GPC5: variants seen among roughly 807,000 people sequenced by gnomAD.
GPC5 encodes the protein glypican-5.
A neutral mutation model predicts 53.9 loss-of-function variants in GPC5; 47 were observed. The observed-to-expected ratio is 0.87, with a 90% CI of 0.69 to 1.11. The LOEUF (loss-of-function observed/expected upper bound fraction) is 1.11, where lower values mean the gene tolerates loss of function less well. Ranked by LOEUF, GPC5 falls within the 50% of genes most tolerant of loss-of-function variation. The probability of loss-of-function intolerance (pLI) is 0.00; values close to 1 mark genes in which losing one functional copy is unlikely to be tolerated. For synonymous variants in GPC5, 286 were observed against 263.3 expected, an observed-to-expected ratio of 1.09 and a Z score of -0.84; for missense variants, 748 against 713.1, an observed-to-expected ratio of 1.05 and a Z score of -0.56.
chr13:91,700,112 C>A (rs1368480207), intron 3 of GPC5, among the ~76,000 whole-genome samples: 1 of 151,990 alleles, frequency 6.6e-6, no homozygotes, highest in Non-Finnish European at 1.5e-5. Context: ...AGCTCTGAAT[C>A]CTTCTTATTT....
At chr13:91,933,613 G>A (rs372450356) in intron 6 of GPC5, among the ~76,000 whole-genome samples, 1 of 151,888 alleles carries the variant, frequency 6.6e-6, no homozygotes, top group Non-Finnish European at 1.5e-5. Flanking sequence ...ACACGTCCAA[G>A]TTTTCTCAGG....
At chr13:91,444,423 A>G (rs925923028) in intron 1 of GPC5, among the ~76,000 whole-genome samples, 18 of 151,704 alleles carry the variant, frequency 1.2e-4, no homozygotes, top group Non-Finnish European at 4.4e-5. Flanking sequence ...TCTCTTTTTT[A>G]TTATAGTAAC....
intron 7 of GPC5, among the ~76,000 whole-genome samples, chr13:92,860,605 G>A (rs971154050): frequency 6.6e-6 from 1 of 152,110 alleles, no homozygotes. Flanking sequence ...CAAAATACAT[G>A]TGGCTAATGT....
At chr13:92,123,826 C>T (rs1417019398) in intron 6 of GPC5, among the ~76,000 whole-genome samples, 1 of 152,110 alleles carries the variant, frequency 6.6e-6, no homozygotes, top group African/African-American at 2.4e-5. Flanking sequence ...TAATTCAAAG[C>T]ATACATTACC....
At chr13:92,220,980 C>A (rs2042444439) in intron 7 of GPC5, among the ~76,000 whole-genome samples, 1 of 152,040 alleles carries the variant, frequency 6.6e-6, no homozygotes, top group Admixed American at 6.6e-5. Context: ...GAGAGAAAGA[C>A]TCCCATTTCC....
chr13:91,542,019 T>TATTA (rs1555321639), intron 2 of GPC5, among the ~76,000 whole-genome samples: 1 of 147,002 alleles, frequency 6.8e-6, no homozygotes, highest in Admixed American at 6.8e-5. Flanking sequence ...GAGCTCTTAA[T>TATTA]ATTAATTAAT....
intron 7 of GPC5, among the ~76,000 whole-genome samples, chr13:92,680,557 T>A (rs952386660): frequency 3.3e-5 from 5 of 152,130 alleles, no homozygotes; most frequent in Admixed American, 3.3e-4. Context: ...AAGGAAACTA[T>A]AAAAGGTAGA....
At chr13:92,765,104 G>A (rs1875343165) in intron 7 of GPC5, among the ~76,000 whole-genome samples, 1 of 152,146 alleles carries the variant, frequency 6.6e-6, no homozygotes, top group Non-Finnish European at 1.5e-5. Flanking sequence ...TTATGAGAAT[G>A]AGATACGATG....
chr13:91,760,560 C>G (rs1445301161), intron 5 of GPC5, among the ~76,000 whole-genome samples: 3 of 152,114 alleles, frequency 2.0e-5, no homozygotes, highest in Non-Finnish European at 4.4e-5. Flanking sequence ...CCAAACACAT[C>G]AATAGGTCAA....
chr13:91,458,617 A>G (rs1023224587), intron 2 of GPC5, among the ~76,000 whole-genome samples: 1 of 152,172 alleles, frequency 6.6e-6, no homozygotes, highest in Non-Finnish European at 1.5e-5. Flanking sequence ...GTTGGCATGG[A>G]TGCGGTGAAA....
chr13:91,809,887 T>C (rs1347780725), intron 5 of GPC5, among the ~76,000 whole-genome samples: 1 of 152,018 alleles, frequency 6.6e-6, no homozygotes, highest in African/African-American at 2.4e-5. Flanking sequence ...CATTAGGAAA[T>C]AGTTCATTCG....
chr13:91,966,831 A>G (rs2040185323), intron 6 of GPC5, among the ~76,000 whole-genome samples: 1 of 152,262 alleles, frequency 6.6e-6, no homozygotes. Flanking sequence ...GCACCTGTGC[A>G]GAAGTGTACT....
At chr13:92,039,234 GTTA>G (rs1362657788) in intron 6 of GPC5, among the ~76,000 whole-genome samples, 4 of 152,152 alleles carry the variant, frequency 2.6e-5, no homozygotes, top group Admixed American at 2.0e-4. Flanking sequence ...AAGAAAAGTT[GTTA>G]TTATGTTTTC....
chr13:92,700,538 A>T (rs1566371064), intron 7 of GPC5, among the ~76,000 whole-genome samples: 1 of 152,032 alleles, frequency 6.6e-6, no homozygotes, highest in Non-Finnish European at 1.5e-5. Flanking sequence ...TCATAGCATC[A>T]ATGTTCTTTA....
At chr13:91,459,623 G>A (rs1005931854) in intron 2 of GPC5, among the ~76,000 whole-genome samples, 3 of 152,048 alleles carry the variant, frequency 2.0e-5, no homozygotes, top group Non-Finnish European at 2.9e-5. Flanking sequence ...GGTAGAGTTG[G>A]AGTGAGACAA....
At chr13:92,709,669 C>T (rs1287619971) in intron 7 of GPC5, 2 of 152,160 alleles carry the variant, frequency 1.3e-5, no homozygotes, top group Non-Finnish European at 2.9e-5. Context: ...TTTCCTCACA[C>T]TCTACTGGCC....
intron 7 of GPC5, among the ~76,000 whole-genome samples, chr13:92,612,641 T>G (rs1485587417): frequency 6.6e-6 from 1 of 152,138 alleles, no homozygotes; most frequent in African/African-American, 2.4e-5. Flanking sequence ...ACTCTTATGT[T>G]GTTCTCATAG....
At chr13:91,617,692 T>G (rs1288534043) in intron 2 of GPC5, among the ~76,000 whole-genome samples, 1 of 152,038 alleles carries the variant, frequency 6.6e-6, no homozygotes, top group Non-Finnish European at 1.5e-5. Flanking sequence ...ACATTTACTT[T>G]AATTCTCCTT....
intron 7 of GPC5, chr13:92,701,296 C>T (rs1316899324): frequency 6.6e-6 from 1 of 151,974 alleles, no homozygotes; most frequent in South Asian, 2.1e-4. Context: ...CTTCATGAAC[C>T]ATCAAATATT....
Sources: gnomAD v4.1 joint callset for allele counts (sites outside exome capture counted in the v4.1 genomes callset) on GRCh38, gnomAD v4.1.1 for gene constraint, MANE v1.5 for transcripts, NCBI Gene and HGNC (gene_info 2026-07-23, HGNC 2026-07-21) for gene names.